IFI16: variants seen among roughly 807,000 people sequenced by gnomAD.
IFI16 encodes the protein interferon gamma inducible protein 16, also known as gamma-interferon-inducible protein 16.
Under a neutral mutation model 68.4 loss-of-function variants are expected in IFI16, and 49 were observed. The ratio of observed to expected loss-of-function variants is 0.72; its 90% CI spans 0.57 to 0.91. The LOEUF is 0.91. Among genes scored for constraint, IFI16 ranks in the 40% least tolerant of loss-of-function variants. IFI16 has a pLI of 0.00. For synonymous variants in IFI16, 307 were observed against 315.0 expected (o/e 0.97, Z 0.27); for missense variants, 878 against 942.9 (o/e 0.93, Z 0.90).
upstream of IFI16, among the ~76,000 whole-genome samples, chr1:159,007,437 G>A (rs1359363357): frequency 1.3e-5 from 2 of 152,182 alleles, no homozygotes; most frequent in East Asian, 3.8e-4. Flanking sequence ...GTAAATCAAG[G>A]AAGTAATTTT....
intron 5 of IFI16, among the ~76,000 whole-genome samples, chr1:159,019,950 G>T (rs981160506): frequency 6.6e-6 from 1 of 152,162 alleles, no homozygotes; most frequent in African/African-American, 2.4e-5. Flanking sequence ...TTTTCTTACA[G>T]ATTCCTCATA....
In IFI16 at chr1:159,042,587, A is replaced by C. The variant is rs569038088; in HGVS notation, c.1330-2710A>C. On this transcript the variant is annotated intron_variant, in intron 7 of 11. Coordinates refer to ENST00000295809, the MANE Select transcript of IFI16 (RefSeq NM_001376587.1). ...ATCTTCAACCACAAGGTACCAGTCT[A>C]ATCTATTCCTTGAGCAAGTTCTCAC... Among the ~76,000 whole-genome samples the C allele has an allele frequency of 7.2e-5, 11 of 152,208 alleles. No homozygotes were observed. In the South Asian group the frequency reaches 1.7e-3, roughly 23 times the overall value.
At position 159,014,887 on chromosome 1, in the gene IFI16, C is replaced by T. The variant is rs144369567; in HGVS notation, c.207C>T (p.Phe69=). The T allele has an allele frequency of 1.3e-4, 216 of 1,613,762 alleles. No homozygotes were observed. Among genetic ancestry groups the T allele is most frequent in the African/African-American group, 1.3e-3 (94 of 74,966 alleles). The part of the protein sequence containing the change: ...DAGLGKLIKI[F]EDIPTLEDLA... ...GTTTGGGCAAACTAATAAAAATTTTCGAAGATATACCAACGCTTGAAGACC... is the reference window on the plus strand; with the variant it reads ...GTTTGGGCAAACTAATAAAAATTTTTGAAGATATACCAACGCTTGAAGACC... Residue 69 remains phenylalanine, a synonymous_variant, in exon 2 of 12, where the codon TTC becomes TTT. Coordinates refer to ENST00000295809, the MANE Select transcript of IFI16 (RefSeq NM_001376587.1).
intron 1 of IFI16, among the ~76,000 whole-genome samples, chr1:159,014,351 G>A (rs535750070): frequency 6.6e-6 from 1 of 152,290 alleles, no homozygotes; most frequent in South Asian, 2.1e-4. Flanking sequence ...AGGATAAGAA[G>A]AGGAACCAAG....
intron 7 of IFI16, among the ~76,000 whole-genome samples, chr1:159,034,978 G>A (rs915702172): frequency 1.3e-5 from 2 of 152,152 alleles, no homozygotes; most frequent in African/African-American, 4.8e-5. Context: ...GGGTTCGGAA[G>A]CCTGTACCTG....
chr1:159,010,611 T>G (rs1346065880), intron 1 of IFI16, among the ~76,000 whole-genome samples: 2 of 152,138 alleles, frequency 1.3e-5, no homozygotes, highest in Non-Finnish European at 2.9e-5. Flanking sequence ...TCATCCCAAT[T>G]TTACAAAACA....
At chr1:159,015,816 TTTA>T in intron 2 of IFI16, 53 bp from the exon 3 acceptor site, 1 of 1,296,512 alleles carries the variant, frequency 7.7e-7, no homozygotes, top group Non-Finnish European at 1.1e-6. Flanking sequence ...TCGGAGATCG[TTTA>T]TATGTCTTCC....
intron 6 of IFI16, among the ~76,000 whole-genome samples, chr1:159,031,540 G>A (rs1305409913): frequency 1.3e-5 from 2 of 152,080 alleles, no homozygotes; most frequent in Non-Finnish European, 2.9e-5. Flanking sequence ...CCTGTATTTC[G>A]CTCAGCTCTC....
At position 159,017,601 on chromosome 1, in the gene IFI16, ATTTATTG is replaced by A. The variant is rs1309117352; in HGVS notation, c.550-625_550-619del. Among the ~76,000 whole-genome samples the A allele has an allele frequency of 5.9e-3, 502 of 85,534 alleles. 4 individuals carry two copies. The highest frequency in any genetic ancestry group is 0.013 in the African/African-American group (479 of 36,514). 56.1% of individuals were successfully genotyped at this position (85,534 alleles called of 152,430 possible). A position where few individuals can be genotyped will look rare whatever the true frequency, so the allele number is the denominator to read the frequency against. On this transcript the variant is annotated intron_variant, in intron 4 of 11. Transcript: ENST00000295809. ...ATTTCATTCTAAAATTTATTTATTTATTTATTGTTGTTGTTGTTGTTGTTGAGACAGA... is the reference window on the plus strand; with the variant it reads ...ATTTCATTCTAAAATTTATTTATTTATTGTTGTTGTTGTTGTTGAGACAGA...
chr1:159,029,444 G>C (rs1158452880), intron 6 of IFI16, among the ~76,000 whole-genome samples: 1 of 152,136 alleles, frequency 6.6e-6, no homozygotes, highest in Admixed American at 6.5e-5. Context: ...TGACTTTAGA[G>C]AGCCTGGTGA....
At chr1:159,013,814 A>G (rs1396539565) in intron 1 of IFI16, among the ~76,000 whole-genome samples, 3 of 152,208 alleles carry the variant, frequency 2.0e-5, no homozygotes, top group African/African-American at 7.2e-5. Flanking sequence ...AAGGAGTACA[A>G]AGGTACTAGA....
chr1:159,014,616 G>A lies in IFI16; in HGVS notation c.-20-45G>A, dbSNP rs1037354126. ...CACATAGGCATACATCTTTTAAATTGTCTGTATACATGTGTAACACTGTAT... is the reference window on the plus strand; with the variant it reads ...CACATAGGCATACATCTTTTAAATTATCTGTATACATGTGTAACACTGTAT... On this transcript the variant is annotated intron_variant, in intron 1 of 11. Coordinates refer to ENST00000295809, the MANE Select transcript of IFI16 (RefSeq NM_001376587.1). 113 of 1,284,704 alleles carry A rather than the reference G, an allele frequency of 8.8e-5. 4 individuals carry two copies. In the Admixed American group the frequency reaches 1.7e-3, roughly 19 times the overall value. 79.6% of individuals were successfully genotyped at this position (1,284,704 alleles called of 1,614,324 possible).
At chr1:159,003,483 A>G (rs541234324), upstream of IFI16, among the ~76,000 whole-genome samples, 22 of 152,078 alleles carry the variant, frequency 1.4e-4, no homozygotes, top group Non-Finnish European at 2.9e-4. Flanking sequence ...TACCTAAGCA[A>G]TCCCTCCTCT....
At chr1:159,044,498 G>T (rs1654860647) in intron 7 of IFI16, among the ~76,000 whole-genome samples, 1 of 152,108 alleles carries the variant, frequency 6.6e-6, no homozygotes, top group African/African-American at 2.4e-5. Context: ...GTTCTTTTGT[G>T]TACCTCTCTA....
chr1:159,029,702 C>T (rs1345501954), intron 6 of IFI16, among the ~76,000 whole-genome samples: 3 of 143,292 alleles, frequency 2.1e-5, no homozygotes, highest in African/African-American at 5.3e-5. Context: ...TTTTTTGAGA[C>T]ACACTTTAGC....
chr1:159,015,664 G>T, intron 2 of IFI16: 1 of 532,624 alleles, frequency 1.9e-6, no homozygotes, highest in Non-Finnish European at 3.4e-6. Context: ...GTGCTGAGGA[G>T]CATGAGTCAG....
At chr1:159,048,609 G>A (rs1313293396) in intron 8 of IFI16, among the ~76,000 whole-genome samples, 3 of 151,488 alleles carry the variant, frequency 2.0e-5, no homozygotes, top group East Asian at 3.9e-4. Context: ...CTCCATGTGA[G>A]CTCACTACAA....
upstream of IFI16, among the ~76,000 whole-genome samples, chr1:159,004,390 T>A (rs1652174791): frequency 6.6e-6 from 1 of 151,940 alleles, no homozygotes; most frequent in African/African-American, 2.4e-5. Context: ...AAATTATAGA[T>A]GTTAGTAATT....
chr1:159,022,589 G>A (rs973109384), intron 6 of IFI16, among the ~76,000 whole-genome samples: 3 of 152,184 alleles, frequency 2.0e-5, no homozygotes, highest in Admixed American at 2.0e-4. Context: ...AAGGAAGGAG[G>A]AAGTAACTTG....
Sources: gnomAD v4.1 joint callset for allele counts (sites outside exome capture counted in the v4.1 genomes callset) on GRCh38, gnomAD v4.1.1 for gene constraint, MANE v1.5 for transcripts, NCBI Gene and HGNC (gene_info 2026-07-23, HGNC 2026-07-21) for gene names.